Variants in DIAPH1 observed in about 807,000 individuals in gnomAD.
The protein encoded by DIAPH1 is diaphanous related formin 1, also known as protein diaphanous homolog 1.
A neutral mutation model predicts 140.7 loss-of-function variants in DIAPH1; 46 were observed. That is an observed-to-expected ratio of 0.33 (90% confidence interval 0.26 to 0.42). The LOEUF (loss-of-function observed/expected upper bound fraction) is 0.42. Ranked by LOEUF, DIAPH1 falls within the 10% of genes least tolerant of loss-of-function variation. The pLI is 1.00. For missense variants in DIAPH1, 1,310 were observed against 1,558.7 expected, an observed-to-expected ratio of 0.84 and a Z score of 2.69; for synonymous variants, 565 against 551.6, an observed-to-expected ratio of 1.02 and a Z score of -0.34.
chr5:141,603,222 G>C (rs2099900437), intron 1 of DIAPH1, among the ~76,000 whole-genome samples: 1 of 152,292 alleles, frequency 6.6e-6, no homozygotes, highest in East Asian at 1.9e-4. Context: ...TCCTCCATTT[G>C]GTTCAGAGTG....
Position 141,586,992 on chromosome 5 carries a change from T to C in DIAPH1, c.300+50A>G, listed in dbSNP as rs376268189. ...ATTATGCACCAAAAAGAGCCCACCATGTCCATAAATGCACAGGAAGAAGCA... is the reference window on the plus strand; with the variant it reads ...ATTATGCACCAAAAAGAGCCCACCACGTCCATAAATGCACAGGAAGAAGCA... On this transcript the variant is annotated intron_variant, in intron 3 of 27. Transcript: ENST00000389054. 5.6e-6 allele frequency: 9 copies of C among 1,602,864 alleles called. No homozygotes were observed. In the African/African-American group the frequency reaches 1.2e-4, roughly 21 times the overall value.
At position 141,524,297 on chromosome 5, in the gene DIAPH1, A is replaced by G. The variant is rs867737408; in HGVS notation, c.3575-68T>C. 13 of 1,443,842 alleles carry G rather than the reference A, an allele frequency of 9.0e-6. No homozygotes were observed. The Middle Eastern group carries it at 2.3e-3, about 252-fold the overall frequency. 89.4% of individuals were successfully genotyped at this position (1,443,842 alleles called of 1,614,324 possible). On this transcript the variant is annotated intron_variant, in intron 26 of 27. Transcript: ENST00000389054. ...AGCAGCATGGCAAATATCAAGCCCC[A>G]CACAAAATGAATGGCTATTGCTTGA... is the stretch of plus-strand genomic sequence containing the variant.
chr5:141,516,585 C>T lies in DIAPH1; in HGVS notation c.*266G>A. 1 of 522,584 alleles carries T rather than the reference C, an allele frequency of 1.9e-6. No individual in the cohort carries two copies. The allele number at this position is 522,584 out of a possible 1,614,324, so 32.4% of individuals were successfully genotyped here. On this transcript the variant is annotated 3_prime_UTR_variant, in exon 28 of 28. Transcript: ENST00000389054. ...CAGAGAGGAGACAGGGTTAAGGCAG[C>T]AAACATGGACCCTGCTTTGGTAATA...
Position 141,587,069 on chromosome 5 carries a change from T to C in DIAPH1, c.273A>G (p.Gln91=). 1.2e-6 allele frequency: 2 copies of C among 1,614,184 alleles called. No homozygotes were observed. The highest frequency in any genetic ancestry group is 1.7e-6 in the Non-Finnish European group (2 of 1,180,014). ...AQSLQDVSDE[Q]VLVLFEQMLL... ...GCATCTGTTCAAAGAGAACCAGCAC[T>C]TGTTCATCTGAAACATCTTGCAATG... is the stretch of plus-strand genomic sequence containing the variant. Residue 91 remains glutamine, a synonymous_variant, in exon 3 of 28, where the codon CAA becomes CAG. Transcript: ENST00000389054.
At chr5:141,582,545 G>T (rs1293608572) in intron 6 of DIAPH1, among the ~76,000 whole-genome samples, 170 bp from the exon 7 acceptor site, 1 of 152,098 alleles carries the variant, frequency 6.6e-6, no homozygotes, top group Non-Finnish European at 1.5e-5. Flanking sequence ...ACTGAAGAGG[G>T]ATCTTCACCA....
intron 18 of DIAPH1, among the ~76,000 whole-genome samples, chr5:141,554,292 A>C (rs931867672): frequency 1.4e-4 from 22 of 152,092 alleles, no homozygotes; most frequent in African/African-American, 2.4e-4. Flanking sequence ...CGCTCCCCCC[A>C]AAAAAAGGAA....
In DIAPH1 at chr5:141,573,430, G is replaced by C; in HGVS notation, c.2358+62C>G. On this transcript the variant is annotated intron_variant, in intron 16 of 27. Coordinates refer to ENST00000389054, the MANE Select transcript of DIAPH1 (RefSeq NM_005219.5). ...AGCCTGGGCGACAGAGCGAAACTCC[G>C]TCTCAAAAAAAAAAAAAAAAAAAAA... is the stretch of plus-strand genomic sequence containing the variant. 6.4e-6 allele frequency: 9 copies of C among 1,416,610 alleles called. No homozygotes were observed. In the South Asian group the frequency reaches 1.0e-4, roughly 16 times the overall value. 87.8% of individuals were successfully genotyped at this position (1,416,610 alleles called of 1,614,324 possible).
At chr5:141,584,288 G>A (rs1596389671) in intron 3 of DIAPH1, 63 bp from the exon 4 acceptor site, 2 of 906,668 alleles carry the variant, frequency 2.2e-6, no homozygotes. Flanking sequence ...AATTTTTAGT[G>A]TTTAATATTA....
At position 141,529,621 on chromosome 5, in the gene DIAPH1, C is replaced by G. The variant is rs987930783; in HGVS notation, c.2658G>C (p.Leu886=). 2.5e-6 allele frequency: 4 copies of G among 1,614,024 alleles called. No homozygotes were observed. The highest frequency in any genetic ancestry group is 1.1e-5 in the South Asian group (1 of 91,076). Residue 886 remains leucine (L), a synonymous_variant, in exon 20 of 28, where the codon CTG becomes CTC. Transcript: ENST00000389054. The part of the protein sequence containing the change: ...NVILEVNEAV[L]TESMIQNLIK... ...TCCTTACCTGGATCATAGACTCAGT[C>G]AGAACAGCCTCATTCACCTCCAGGA...
intron 6 of DIAPH1, 144 bp from the exon 7 acceptor site, chr5:141,582,519 C>A (rs1229160274): frequency 6.0e-6 from 4 of 669,298 alleles, no homozygotes. Context: ...CCCAGAACCA[C>A]TGAAGAAAAT....
intron 1 of DIAPH1, among the ~76,000 whole-genome samples, chr5:141,589,718 C>T (rs2154596768): frequency 6.6e-6 from 1 of 152,178 alleles, no homozygotes; most frequent in Non-Finnish European, 1.5e-5. Flanking sequence ...TGTATCTTGA[C>T]ATGGATCATA....
At chr5:141,520,560 C>T (rs1262037762) in intron 27 of DIAPH1, among the ~76,000 whole-genome samples, 1 of 152,206 alleles carries the variant, frequency 6.6e-6, no homozygotes, top group African/African-American at 2.4e-5. Context: ...GAGGCCTCAA[C>T]AGCAGATGCT....
At chr5:141,526,606 T>C in intron 24 of DIAPH1, 145 bp from the exon 25 acceptor site, 1 of 868,492 alleles carries the variant, frequency 1.2e-6, no homozygotes, top group Non-Finnish European at 1.9e-6. Flanking sequence ...CAAAGCCATG[T>C]AGGTACCCCT....
rs1352461735 is a variant in DIAPH1 at position 141,516,461 on chromosome 5, C to T, written c.*390G>A. 1.0e-5 allele frequency: 3 copies of T among 295,616 alleles called. No individual in the cohort carries two copies. The highest frequency in any genetic ancestry group is 2.0e-5 in the Non-Finnish European group (3 of 150,994). 18.3% of individuals were successfully genotyped at this position (295,616 alleles called of 1,614,324 possible). A position where few individuals can be genotyped will look rare whatever the true frequency, so the allele number is the denominator to read the frequency against. On this transcript the variant is annotated 3_prime_UTR_variant, in exon 28 of 28. Coordinates refer to ENST00000389054, the MANE Select transcript of DIAPH1 (RefSeq NM_005219.5). ...CCAGAGAAACCACAAAAGAAAAGCA[C>T]AAATCCAGCAAGACTGACCTAGGGG...
intron 1 of DIAPH1, among the ~76,000 whole-genome samples, chr5:141,614,692 C>G (rs1166390113): frequency 6.6e-6 from 1 of 152,026 alleles, no homozygotes; most frequent in African/African-American, 2.4e-5. Context: ...GTCCTTAAGA[C>G]AAGGCAGGAA....
chr5:141,562,382 A>T (rs1157903438), intron 18 of DIAPH1, among the ~76,000 whole-genome samples: 1 of 152,198 alleles, frequency 6.6e-6, no homozygotes, highest in African/African-American at 2.4e-5. Flanking sequence ...CAAGGTATAG[A>T]AACAGTACAG....
intron 1 of DIAPH1, among the ~76,000 whole-genome samples, chr5:141,608,966 C>G (rs113321066): frequency 6.6e-6 from 1 of 152,060 alleles, no homozygotes; most frequent in Non-Finnish European, 1.5e-5. Context: ...ACTAAAACTC[C>G]TGACAGGTGA....
chr5:141,521,706 A>G (rs1220284634), intron 27 of DIAPH1, among the ~76,000 whole-genome samples: 1 of 152,204 alleles, frequency 6.6e-6, no homozygotes, highest in African/African-American at 2.4e-5. Flanking sequence ...GCTCAAAGCA[A>G]TCAGCCAAGA....
rs762307731 is a variant in DIAPH1, at chr5:141,577,606, T to C, written c.1164-15A>G. ...CATTAAAGTCAGTGGAAAAGGGAAA[T>C]AGGCTAAGGAAAGCAAATATGCAGA... is the stretch of plus-strand genomic sequence containing the variant. On this transcript the variant is annotated splice_polypyrimidine_tract_variant and intron_variant, in intron 11 of 27. Transcript: ENST00000389054. 3.9e-6 allele frequency: 6 copies of C among 1,528,418 alleles called. No homozygotes were observed. The highest frequency in any genetic ancestry group is 2.7e-5 in the African/African-American group (2 of 73,036). 94.7% of individuals were successfully genotyped at this position (1,528,418 alleles called of 1,614,324 possible).
Sources: allele counts gnomAD v4.1 joint callset (sites outside exome capture counted in the v4.1 genomes callset), GRCh38; gene constraint gnomAD v4.1.1; transcripts MANE v1.5; gene names NCBI Gene and HGNC (gene_info 2026-07-23, HGNC 2026-07-21).